The following ANK2 variants were observed in gnomAD, a reference collection of about 807,000 sequenced individuals.
The protein encoded by ANK2 is ankyrin 2.
In ANK2, 83 loss-of-function variants were observed where a neutral mutation model predicts 360.5. The observed-to-expected ratio is 0.23, with a 90% confidence interval of 0.19 to 0.28. The LOEUF (loss-of-function observed/expected upper bound fraction) is 0.28, where lower values mean the gene tolerates loss of function less well. ANK2 is among the 10% of genes least tolerant of loss of function. ANK2 has a pLI of 1.00. For synonymous variants in ANK2, 1,740 were observed against 1,759.5 expected, an observed-to-expected ratio of 0.99 and a Z score of 0.28; for missense variants, 4,201 against 4,795.7, an observed-to-expected ratio of 0.88 and a Z score of 3.66.
chr4:112,830,874 A>C (rs757415596), intron 1 of ANK2, among the ~76,000 whole-genome samples: 5 of 152,182 alleles, frequency 3.3e-5, no homozygotes, highest in Admixed American at 2.0e-4. Flanking sequence ...CCAGGTGGGC[A>C]CGGGCTTGGT....
intron 14 of ANK2, among the ~76,000 whole-genome samples, chr4:113,268,450 T>C (rs976646652): frequency 2.0e-4 from 30 of 152,234 alleles, no homozygotes; most frequent in African/African-American, 7.0e-4. Context: ...ATTGAGAGTT[T>C]TTAGCATGAA....
intron 2 of ANK2, among the ~76,000 whole-genome samples, chr4:112,914,892 T>A (rs1338657430): frequency 1.3e-5 from 2 of 152,228 alleles, no homozygotes; most frequent in Non-Finnish European, 2.9e-5. Context: ...CTGTTGGGGA[T>A]ACCTGAAGGA....
intron 1 of ANK2, among the ~76,000 whole-genome samples, chr4:113,170,494 T>A (rs1036670858): frequency 7.2e-5 from 11 of 152,240 alleles, no homozygotes; most frequent in African/African-American, 2.7e-4. Context: ...ATACCGAAGT[T>A]ATATGTTTAT....
intron 1 of ANK2, among the ~76,000 whole-genome samples, chr4:112,860,495 T>C (rs1032506398): frequency 1.1e-4 from 17 of 152,096 alleles, no homozygotes; most frequent in Admixed American, 1.1e-3. Context: ...AGAAAAAAAC[T>C]GAGAAGATTG....
intron 31 of ANK2, among the ~76,000 whole-genome samples, chr4:113,338,078 A>G (rs998651391): frequency 1.6e-4 from 24 of 152,184 alleles, no homozygotes; most frequent in African/African-American, 5.1e-4. Flanking sequence ...TTAATGTATT[A>G]ATTGTTTAAA....
chr4:112,954,250 G>T (rs57011830), intron 2 of ANK2, among the ~76,000 whole-genome samples: 1 of 94,890 alleles, frequency 1.1e-5, no homozygotes. Flanking sequence ...TTCCTTCCTT[G>T]CTTCCTTCCT....
chr4:113,112,502 C>T (rs1269582848), intron 1 of ANK2, among the ~76,000 whole-genome samples: 2 of 152,122 alleles, frequency 1.3e-5, no homozygotes, highest in South Asian at 2.1e-4. Flanking sequence ...TGTACCTTTC[C>T]CTTCCCTCTG....
chr4:113,064,645 A>G (rs916257531), intron 1 of ANK2, among the ~76,000 whole-genome samples: 9 of 152,228 alleles, frequency 5.9e-5, no homozygotes, highest in African/African-American at 1.9e-4. Context: ...TGTGCAAAGT[A>G]TGGCCCGTGT....
At chr4:113,007,594 T>C (rs571338125) in intron 2 of ANK2, among the ~76,000 whole-genome samples, 31 of 152,298 alleles carry the variant, frequency 2.0e-4, no homozygotes, top group African/African-American at 7.2e-4. Context: ...AAATATGACT[T>C]ACAACCACAT....
chr4:113,330,044 T>C (rs2091950772), intron 26 of ANK2, among the ~76,000 whole-genome samples: 1 of 152,168 alleles, frequency 6.6e-6, no homozygotes, highest in African/African-American at 2.4e-5. Context: ...TAAAATAATA[T>C]AAAAATTAGA....
chr4:113,382,962 T>C lies in ANK2; in HGVS notation c.*1491T>C, dbSNP rs2097194847. 6.6e-6 allele frequency: 1 copy of C among 152,668 alleles called. No homozygotes were observed. The highest frequency in any genetic ancestry group is 1.5e-5 in the Non-Finnish European group (1 of 68,042). 9.5% of individuals were successfully genotyped at this position (152,668 alleles called of 1,614,324 possible). On this transcript the variant is annotated 3_prime_UTR_variant, in exon 46 of 46. Transcript: ENST00000357077. ...ACTGTAACAATCTGAGTAATTTCCATGTCCTCTTCCTTATTCCTCTAGTGG... is the reference window on the plus strand; with the variant it reads ...ACTGTAACAATCTGAGTAATTTCCACGTCCTCTTCCTTATTCCTCTAGTGG...
At chr4:112,788,245 G>T in the ANK2 span, 17 of 1,589,466 alleles carry the variant, frequency 1.1e-5, no homozygotes, top group Non-Finnish European at 1.5e-5. Flanking sequence ...TAGCCAAAGC[G>T]CCTTTGTCTT....
At chr4:112,933,975 A>G (rs748206387) in intron 2 of ANK2, among the ~76,000 whole-genome samples, 3 of 152,080 alleles carry the variant, frequency 2.0e-5, no homozygotes, top group Non-Finnish European at 4.4e-5. Flanking sequence ...GAGGGTGACC[A>G]TCTGGAAATG....
At chr4:112,786,746 CTTTTTTTTTTT>C in the ANK2 span, among the ~76,000 whole-genome samples, 2 of 108,934 alleles carry the variant, frequency 1.8e-5, no homozygotes, top group South Asian at 5.9e-4. Flanking sequence ...TAAAATCAAA[CTTTTTTTTTTT>C]TTTTTTTTTG....
At chr4:113,187,042 C>T (rs1234237399) in intron 2 of ANK2, among the ~76,000 whole-genome samples, 2 of 151,948 alleles carry the variant, frequency 1.3e-5, no homozygotes, top group Non-Finnish European at 2.9e-5. Context: ...AAGGACACTT[C>T]CCCATTCCAC....
chr4:113,221,318 T>C (rs2099148701), intron 4 of ANK2, among the ~76,000 whole-genome samples: 1 of 151,438 alleles, frequency 6.6e-6, no homozygotes, highest in African/African-American at 2.5e-5. Flanking sequence ...CTGAGTAAAA[T>C]GGGGCAAGGA....
intron 2 of ANK2, among the ~76,000 whole-genome samples, chr4:113,023,555 G>A (rs906715432): frequency 2.0e-5 from 3 of 152,170 alleles, no homozygotes. Flanking sequence ...TTTCTCAGAG[G>A]TATTGTGTCT....
chr4:112,728,320 A>G, the ANK2 span, among the ~76,000 whole-genome samples: 1 of 136,942 alleles, frequency 7.3e-6, no homozygotes, highest in Non-Finnish European at 1.6e-5. Flanking sequence ...AAAAAAAAAA[A>G]GAAAAGAAAT....
chr4:112,739,080 A>G, the ANK2 span: 1 of 535,872 alleles, frequency 1.9e-6, no homozygotes, highest in Non-Finnish European at 3.5e-6. Context: ...CCCCAATGCC[A>G]GGCTGTGCAG....
Sources: gnomAD v4.1 joint callset for allele counts (sites outside exome capture counted in the v4.1 genomes callset) on GRCh38, gnomAD v4.1.1 for gene constraint, MANE v1.5 for transcripts, NCBI Gene and HGNC (gene_info 2026-07-23, HGNC 2026-07-21) for gene names.